The following FAM227A variants were observed in gnomAD, a reference collection of about 807,000 sequenced individuals.
The protein encoded by FAM227A is protein FAM227A.
A neutral mutation model predicts 74.7 loss-of-function variants in FAM227A; 80 were observed. That is an observed-to-expected ratio of 1.07 (90% CI 0.89 to 1.29). FAM227A has a LOEUF of 1.29. Ranked by LOEUF, FAM227A falls within the 50% of genes most tolerant of loss-of-function variation. The probability of loss-of-function intolerance (pLI) is 0.00; values close to 1 mark genes in which losing one functional copy is unlikely to be tolerated. For synonymous variants in FAM227A, 237 were observed against 241.8 expected (o/e 0.98, Z 0.19); for missense variants, 654 against 683.4 (o/e 0.96, Z 0.48).
intron 11 of FAM227A, among the ~76,000 whole-genome samples, chr22:38,610,130 A>C (rs1013889402): frequency 2.7e-4 from 41 of 152,110 alleles, no homozygotes; most frequent in African/African-American, 9.7e-4. Context: ...GCTGGAGTGC[A>C]GTGGTGCAAT....
At chr22:38,600,353 G>A (rs1411945936) in intron 13 of FAM227A, among the ~76,000 whole-genome samples, 1 of 151,036 alleles carries the variant, frequency 6.6e-6, no homozygotes, top group Non-Finnish European at 1.5e-5. Context: ...TTATTTTTGA[G>A]ACTTGGGTCT....
intron 11 of FAM227A, among the ~76,000 whole-genome samples, chr22:38,608,228 T>C (rs997981070): frequency 1.5e-4 from 22 of 151,274 alleles, no homozygotes; most frequent in African/African-American, 5.4e-4. Context: ...CTTGGGAGGC[T>C]GAGGTGGGAG....
chr22:38,651,762 T>C (rs2092325730), intron 1 of FAM227A, among the ~76,000 whole-genome samples: 1 of 151,376 alleles, frequency 6.6e-6, no homozygotes, highest in African/African-American at 2.4e-5. Flanking sequence ...GAAAACTAGC[T>C]TCCTTAAATA....
chr22:38,642,548 C>T (rs1239591394), intron 3 of FAM227A, among the ~76,000 whole-genome samples: 9 of 152,198 alleles, frequency 5.9e-5, no homozygotes, highest in African/African-American at 2.2e-4. Flanking sequence ...AAAATTTCTG[C>T]TCTGTGAAAA....
At chr22:38,642,583 C>G (rs78580907) in intron 3 of FAM227A, among the ~76,000 whole-genome samples, 2,671 of 152,244 alleles carry the variant, frequency 0.018, 44 homozygotes, top group Non-Finnish European at 0.027. Flanking sequence ...AATGAAGTGA[C>G]AAGTCACATA....
chr22:38,636,766 ATTTCTT>A (rs201369347), intron 5 of FAM227A, among the ~76,000 whole-genome samples, 169 bp from the exon 6 acceptor site: 1,482 of 136,662 alleles, frequency 0.011, 31 homozygotes, highest in African/African-American at 0.038. Context: ...TATCTACATT[ATTTCTT>A]TTTTTTTTTT....
At chr22:38,626,475 G>T (rs1164367719) in intron 8 of FAM227A, among the ~76,000 whole-genome samples, 172 bp from the exon 9 acceptor site, 1 of 151,844 alleles carries the variant, frequency 6.6e-6, no homozygotes, top group African/African-American at 2.4e-5. Flanking sequence ...TGGCTGAAGT[G>T]ATCCTCTAAT....
chr22:38,582,681 G>C lies in FAM227A; in HGVS notation c.*3444C>G, dbSNP rs773626228. The C allele has an allele frequency of 6.0e-5, 53 of 876,550 alleles. No individual in the cohort carries two copies. Among genetic ancestry groups the C allele is most frequent in the Non-Finnish European group, 8.8e-5 (51 of 579,940 alleles). 54.3% of individuals were successfully genotyped at this position (876,550 alleles called of 1,614,324 possible). The stretch of plus-strand genomic sequence containing the variant: ...CTTGGACTGTGCAACAAATGGTCCT[G>C]ACAGACAGAAATGCAGTTTGTCCTG... On this transcript the variant is annotated 3_prime_UTR_variant, in exon 17 of 17. Transcript: ENST00000535113.
intron 10 of FAM227A, among the ~76,000 whole-genome samples, chr22:38,622,375 C>T (rs1340006220): frequency 6.6e-6 from 1 of 152,204 alleles, no homozygotes; most frequent in African/African-American, 2.4e-5. Flanking sequence ...ATTTCTGGGG[C>T]TCCTTGGCCC....
chr22:38,642,835 C>T (rs561736442), intron 3 of FAM227A, among the ~76,000 whole-genome samples: 4 of 152,130 alleles, frequency 2.6e-5, no homozygotes, highest in African/African-American at 9.6e-5. Context: ...ATTAGGGAGG[C>T]TGAGGCAGGA....
intron 1 of FAM227A, among the ~76,000 whole-genome samples, chr22:38,653,634 C>T (rs1300635030): frequency 6.6e-6 from 1 of 152,070 alleles, no homozygotes; most frequent in East Asian, 1.9e-4. Context: ...CTCAGCCTCC[C>T]AAAGTGCTGG....
intron 11 of FAM227A, among the ~76,000 whole-genome samples, chr22:38,613,136 AATATATATAT>A (rs2091465218): frequency 1.1e-5 from 1 of 88,524 alleles, no homozygotes; most frequent in Admixed American, 2.2e-4. Context: ...TTATATATAT[AATATATATAT>A]TATATATTAT....
chr22:38,596,584 C>G (rs2091049215), intron 15 of FAM227A, among the ~76,000 whole-genome samples: 1 of 152,052 alleles, frequency 6.6e-6, no homozygotes. Context: ...TTGGGGAAAT[C>G]TGAATTTGGA....
At chr22:38,592,339 C>G (rs1569493) in intron 15 of FAM227A, among the ~76,000 whole-genome samples, 1 of 152,198 alleles carries the variant, frequency 6.6e-6, no homozygotes, top group South Asian at 2.1e-4. Context: ...ATCTTTACTA[C>G]AATTCACCTA....
chr22:38,603,116 T>C (rs6001169), intron 13 of FAM227A, among the ~76,000 whole-genome samples: 67,866 of 151,906 alleles, frequency 0.45, 16,059 homozygotes, highest in African/African-American at 0.61. Context: ...TTAGGTGATC[T>C]GCCCACCTCG....
intron 13 of FAM227A, among the ~76,000 whole-genome samples, chr22:38,601,932 A>G (rs2091188013): frequency 6.6e-6 from 1 of 152,166 alleles, no homozygotes; most frequent in South Asian, 2.1e-4. Flanking sequence ...GAGGAAACAG[A>G]TCAGAAAGAG....
Position 38,580,068 on chromosome 22 carries a change from A to G in FAM227A, c.*6057T>C, listed in dbSNP as rs1445198522. On this transcript the variant is annotated 3_prime_UTR_variant, in exon 17 of 17. Transcript: ENST00000535113. The stretch of plus-strand genomic sequence containing the variant: ...CCCAAGTAGCTAGGACTACAGGCGT[A>G]TGCCACCTTGCTCTGCTAATTTTTA... The G allele has an allele frequency of 1.3e-5, 2 of 151,138 alleles. No individual in the cohort carries two copies. Among genetic ancestry groups the G allele is most frequent in the African/African-American group, 4.9e-5 (2 of 40,924 alleles). 9.4% of individuals were successfully genotyped at this position (151,138 alleles called of 1,614,324 possible). A position where few individuals can be genotyped will look rare whatever the true frequency, so the allele number is the denominator to read the frequency against.
At chr22:38,640,346 T>C (rs989485613) in intron 3 of FAM227A, among the ~76,000 whole-genome samples, 1 of 152,100 alleles carries the variant, frequency 6.6e-6, no homozygotes, top group African/African-American at 2.4e-5. Flanking sequence ...TCTAGGGTTC[T>C]TATAAGGGTC....
At chr22:38,636,681 A>T in intron 5 of FAM227A, 84 bp from the exon 6 acceptor site, 1 of 1,246,368 alleles carries the variant, frequency 8.0e-7, no homozygotes, top group Admixed American at 2.4e-5. Context: ...CTTTATTATG[A>T]AGACAATATA....
Sources: gnomAD v4.1 joint callset for allele counts (sites outside exome capture counted in the v4.1 genomes callset) on GRCh38, gnomAD v4.1.1 for gene constraint, MANE v1.5 for transcripts, NCBI Gene and HGNC (gene_info 2026-07-23, HGNC 2026-07-21) for gene names.